The following RIC3 variants were observed in gnomAD, a reference collection of about 807,000 sequenced individuals.
The protein encoded by RIC3 is RIC3 acetylcholine receptor chaperone, also known as protein RIC-3.
RIC3 carries 28 observed loss-of-function variants against 27.3 expected under a neutral mutation model. The observed-to-expected ratio is 1.02, with a 90% confidence interval of 0.76 to 1.41. The LOEUF (loss-of-function observed/expected upper bound fraction) is 1.41. Among genes scored for constraint, RIC3 ranks in the 40% most tolerant of loss-of-function variants. The probability of loss-of-function intolerance (pLI) is 0.00; values close to 1 mark genes in which losing one functional copy is unlikely to be tolerated. For synonymous variants in RIC3, 184 were observed against 160.4 expected (o/e 1.15, Z -1.11); for missense variants, 501 against 444.7 (o/e 1.13, Z -1.14).
chr11:8,097,099 C>T, the RIC3 span: 3 of 1,062,036 alleles, frequency 2.8e-6, no homozygotes, highest in Non-Finnish European at 4.1e-6. Context: ...CCCAGGCTGG[C>T]CAGGCCCCAA....
rs185034439 is a variant in RIC3 at position 8,159,595 on chromosome 11, T to C, written c.124+9271A>G. On this transcript the variant is annotated intron_variant, in intron 1 of 5. Coordinates refer to ENST00000309737, the MANE Select transcript of RIC3 (RefSeq NM_001206671.4). ...ATAGAGCAACCAAATAACCAACTGG[T>C]TGAATGACCCTAAACAAAACGTTTC... is the stretch of plus-strand genomic sequence containing the variant. 2.7e-3 allele frequency among the ~76,000 whole-genome samples: 405 copies of C among 152,232 alleles called. 3 individuals are homozygous for C. The highest frequency in any genetic ancestry group is 9.4e-3 in the African/African-American group (392 of 41,532).
At chr11:8,106,008 G>A (rs1343410037), downstream of RIC3, 1 of 151,802 alleles carries the variant, frequency 6.6e-6, no homozygotes, top group East Asian at 1.9e-4. Flanking sequence ...ATTTTGGAGT[G>A]GTCAGACATT....
intron 5 of RIC3, among the ~76,000 whole-genome samples, chr11:8,123,224 T>G (rs1590130568): frequency 6.7e-6 from 1 of 150,340 alleles, no homozygotes; most frequent in African/African-American, 2.4e-5. Context: ...TCACATGACC[T>G]GTGGGGCAAT....
At chr11:8,125,757 G>A (rs532186536) in intron 5 of RIC3, among the ~76,000 whole-genome samples, 15 of 152,268 alleles carry the variant, frequency 9.9e-5, no homozygotes, top group East Asian at 5.8e-4. Flanking sequence ...GTGGCCGGGC[G>A]CGGTGGCCCA....
chr11:8,098,993 G>C, the RIC3 span: 15 of 784,876 alleles, frequency 1.9e-5, no homozygotes, highest in Non-Finnish European at 2.9e-5. Context: ...GTGTGGAGAG[G>C]GGCTGTCCTC....
chr11:8,100,509 A>G, the RIC3 span: 1 of 1,614,002 alleles, frequency 6.2e-7, no homozygotes, highest in Non-Finnish European at 8.5e-7. Context: ...CCAGGAGACA[A>G]ACGTCTTAGG....
chr11:8,142,273 C>G (rs987583109), intron 1 of RIC3, among the ~76,000 whole-genome samples: 1 of 133,948 alleles, frequency 7.5e-6, no homozygotes, highest in African/African-American at 3.3e-5. Context: ...AATTGATAGA[C>G]CGCTAGCAAC....
At chr11:8,095,512 G>A in the RIC3 span, 1 of 1,610,616 alleles carries the variant, frequency 6.2e-7, no homozygotes, top group South Asian at 1.1e-5. Context: ...CAGCGGGCCA[G>A]CAGCACTGGC....
the RIC3 span, among the ~76,000 whole-genome samples, chr11:8,099,829 G>A: frequency 1.3e-5 from 2 of 152,226 alleles, no homozygotes; most frequent in Admixed American, 6.5e-5. Context: ...TACGTGTCTA[G>A]GGGACACAGT....
chr11:8,111,181 C>CAAAA, intron 5 of RIC3, 44 bp from the exon 6 acceptor site: 1 of 1,064,828 alleles, frequency 9.4e-7, no homozygotes, highest in Non-Finnish European at 1.3e-6. Context: ...AATGTCTCCT[C>CAAAA]AAAAAAAAAA....
chr11:8,145,773 G>A (rs1361661383), intron 1 of RIC3, among the ~76,000 whole-genome samples: 1 of 151,940 alleles, frequency 6.6e-6, no homozygotes, highest in Admixed American at 6.6e-5. Flanking sequence ...AGGCATGTAT[G>A]AAAAACCACC....
chr11:8,111,371 T>C (rs762074295), intron 5 of RIC3, among the ~76,000 whole-genome samples: 1 of 152,200 alleles, frequency 6.6e-6, no homozygotes, highest in Admixed American at 6.5e-5. Context: ...TCCCTTCTTA[T>C]GTGTAGGGTG....
intron 1 of RIC3, among the ~76,000 whole-genome samples, chr11:8,162,308 T>A (rs1311840764): frequency 6.6e-6 from 1 of 152,228 alleles, no homozygotes; most frequent in Non-Finnish European, 1.5e-5. Flanking sequence ...TTTCTGTCAC[T>A]TGTCACAAGC....
chr11:8,110,384 A>T lies in RIC3; in HGVS notation c.*314T>A. 1 of 434,520 alleles carries T rather than the reference A, an allele frequency of 2.3e-6. No homozygotes were observed. The highest frequency in any genetic ancestry group is 4.3e-6 in the Non-Finnish European group (1 of 232,492). The allele number at this position is 434,520 out of a possible 1,614,324, so 26.9% of individuals were successfully genotyped here. Reference sequence around the variant, plus strand: ...TGTTACACCTACCAGGAAGAGTCAGACCTTTGCCCCTGAGTGGTCCCATCT... The same window carrying T: ...TGTTACACCTACCAGGAAGAGTCAGTCCTTTGCCCCTGAGTGGTCCCATCT... On this transcript the variant is annotated 3_prime_UTR_variant, in exon 6 of 6. Coordinates refer to ENST00000309737, the MANE Select transcript of RIC3 (RefSeq NM_001206671.4).
chr11:8,127,724 T>C (rs1289272187), intron 4 of RIC3, among the ~76,000 whole-genome samples: 1 of 152,186 alleles, frequency 6.6e-6, no homozygotes, highest in Non-Finnish European at 1.5e-5. Context: ...ACTTATTCTC[T>C]TCTTAAAACC....
At chr11:8,158,991 A>G (rs1161568256) in intron 1 of RIC3, among the ~76,000 whole-genome samples, 1 of 151,244 alleles carries the variant, frequency 6.6e-6, no homozygotes, top group South Asian at 2.1e-4. Context: ...TTGGCCTCCC[A>G]AAGTGCTGGG....
rs559354183 is a variant in RIC3, at chr11:8,148,793, A to ACAG, written c.125-8603_125-8601dup. On this transcript the variant is annotated intron_variant, in intron 1 of 5. Coordinates refer to ENST00000309737, the MANE Select transcript of RIC3 (RefSeq NM_001206671.4). ...AATATCTAAAACAAAGACATAAATAACAGCAGCAGCAGCAGCAGCAGGGTA... is the reference window on the plus strand; with the variant it reads ...AATATCTAAAACAAAGACATAAATAACAGCAGCAGCAGCAGCAGCAGCAGGGTA... 3.8e-4 allele frequency among the ~76,000 whole-genome samples: 57 copies of ACAG among 151,834 alleles called. No individual in the cohort carries two copies. In the South Asian group the frequency reaches 5.0e-3, roughly 13 times the overall value.
At chr11:8,138,194 T>C in intron 3 of RIC3, 78 bp downstream of exon 3, 2 of 996,036 alleles carry the variant, frequency 2.0e-6, no homozygotes, top group South Asian at 1.5e-5. Flanking sequence ...TTTTAAGACA[T>C]ACCCACAGAC....
downstream of RIC3, chr11:8,101,659 G>A (rs370317654): frequency 3.9e-4 from 622 of 1,607,920 alleles, 2 homozygotes; most frequent in South Asian, 1.5e-3. Flanking sequence ...AGCCTGGAGC[G>A]GAGCTTGCCT....
Sources: allele counts gnomAD v4.1 joint callset (sites outside exome capture counted in the v4.1 genomes callset), GRCh38; gene constraint gnomAD v4.1.1; transcripts MANE v1.5; gene names NCBI Gene and HGNC (gene_info 2026-07-23, HGNC 2026-07-21).